Variants in WDR38 observed in about 807,000 individuals in gnomAD.
WDR38 encodes WD repeat domain 38.
WDR38 carries 37 observed loss-of-function variants against 36.6 expected under a neutral mutation model. That is an observed-to-expected ratio of 1.01 (90% CI 0.78 to 1.33). WDR38 has a LOEUF of 1.33. WDR38 is among the 40% of genes most tolerant of loss of function. The probability of loss-of-function intolerance (pLI) is 0.00; values close to 1 mark genes in which losing one functional copy is unlikely to be tolerated. For missense variants in WDR38, 411 were observed against 414.6 expected (o/e 0.99, Z 0.07); for synonymous variants, 164 against 168.1 (o/e 0.98, Z 0.19).
At position 124,856,238 on chromosome 9, in the gene WDR38, A is replaced by C; in HGVS notation, c.406-2A>C. 6.2e-7 allele frequency: 1 copy of C among 1,614,106 alleles called. No individual in the cohort carries two copies. Among genetic ancestry groups the C allele is most frequent in the South Asian group, 1.1e-5 (1 of 91,090 alleles). ...CCTTCTGCAGCTCAGGGCTCTCTCT[A>C]GTCCGGCCAGATGCTGCGCCTCTTA... On this transcript the variant is annotated splice_acceptor_variant, in intron 4 of 8. Coordinates refer to ENST00000373574, the MANE Select transcript of WDR38 (RefSeq NM_001045476.3). LOFTEE classifies it high-confidence loss of function.
intron 1 of WDR38, 127 bp from the exon 2 acceptor site, chr9:124,854,078 C>G: frequency 2.0e-6 from 3 of 1,472,160 alleles, no homozygotes; most frequent in Non-Finnish European, 2.8e-6. Context: ...GTTCTGGGCT[C>G]TGGTGGTGGA....
chr9:124,854,621 G>C (rs1243416203), intron 2 of WDR38, among the ~76,000 whole-genome samples: 2 of 152,104 alleles, frequency 1.3e-5, no homozygotes, highest in Non-Finnish European at 2.9e-5. Context: ...TGTCACCCAG[G>C]CTGGACAACC....
At position 124,856,631 on chromosome 9, in the gene WDR38, T is replaced by C. The variant is rs957749009; in HGVS notation, c.618+31T>C. Reference sequence around the variant, plus strand: ...TGGGGTGTCCTGGGTTCCAGGCTGGTCCCTTGCTGGCAGCCAGGCCCTTAA... The same window carrying C: ...TGGGGTGTCCTGGGTTCCAGGCTGGCCCCTTGCTGGCAGCCAGGCCCTTAA... On this transcript the variant is annotated intron_variant, in intron 6 of 8. Transcript: ENST00000373574. The C allele has an allele frequency of 1.4e-5, 22 of 1,612,738 alleles. No homozygotes were observed. The Admixed American group carries it at 2.8e-4, about 21-fold the overall frequency.
chr9:124,855,634 G>A lies in WDR38; in HGVS notation c.191G>A (p.Gly64Asp), dbSNP rs766215877. ...QLLWRLGGHT[G>D]PVKFCRFSPD... ...CCCCTGACTGTGGCCACCCGCCCAG[G>A]CCCCGTGAAGTTCTGCCGCTTCTCC... The change falls in exon 3 of 9, where the codon GGC becomes GAC. Residue 64 changes from glycine (G) to aspartate (D), a missense_variant and splice_region_variant. By Grantham distance (94) the Gly-to-Asp change is moderately conservative. Coordinates refer to ENST00000373574, the MANE Select transcript of WDR38 (RefSeq NM_001045476.3). The A allele has an allele frequency of 4.4e-6, 7 of 1,608,942 alleles. No individual in the cohort carries two copies. The highest frequency in any genetic ancestry group is 5.9e-6 in the Non-Finnish European group (7 of 1,179,970).
chr9:124,856,869 C>G lies in WDR38; in HGVS notation c.756C>G (p.Gly252=), dbSNP rs770869522. 1 of 1,613,994 alleles carries G rather than the reference C, an allele frequency of 6.2e-7. No individual in the cohort carries two copies. Residue 252 remains glycine, a synonymous_variant, in exon 7 of 9, where the codon GGC becomes GGG. Transcript: ENST00000373574. ...SPDELWLASA[G]YSRMVKVWDC... is the part of the protein sequence containing the mutation. ...ACGAGCTGTGGCTGGCCAGCGCCGGCTATTCCCGCATGGTAACCACCCCGG... is the reference window on the plus strand; with the variant it reads ...ACGAGCTGTGGCTGGCCAGCGCCGGGTATTCCCGCATGGTAACCACCCCGG...
chr9:124,854,454 C>G, intron 2 of WDR38, 129 bp downstream of exon 2: 1 of 1,425,104 alleles, frequency 7.0e-7, no homozygotes, highest in Non-Finnish European at 9.5e-7. Flanking sequence ...GGAGATGGGA[C>G]GAGATATCTG....
rs374884533 is a variant in WDR38, at chr9:124,857,264, G to C, written c.769-100G>C. 4.0e-6 allele frequency: 6 copies of C among 1,494,102 alleles called. No homozygotes were observed. In the African/African-American group the frequency reaches 6.9e-5, roughly 17 times the overall value. The allele number at this position is 1,494,102 out of a possible 1,614,324, so 92.6% of individuals were successfully genotyped here. A position where few individuals can be genotyped will look rare whatever the true frequency, so the allele number is the denominator to read the frequency against. ...ATCACCTGAGGTCAGGAGTTCAGGC[G>C]AAGACTCATCTCATATTTTGTCTGG... is the stretch of plus-strand genomic sequence containing the variant. On this transcript the variant is annotated intron_variant, in intron 7 of 8. Coordinates refer to ENST00000373574, the MANE Select transcript of WDR38 (RefSeq NM_001045476.3).
Position 124,857,397 on chromosome 9 carries a change from C to T in WDR38, c.802C>T (p.Leu268Phe). ...KVWDCNTGKCLETLKGVLDVA... is the reference protein window; with the variant it reads ...KVWDCNTGKCFETLKGVLDVA... The stretch of plus-strand genomic sequence containing the variant: ...CTGGGACTGCAACACAGGAAAGTGC[C>T]TTGAGACCCTGAAGGTAAGGCACGG... Residue 268 changes from leucine (L) to phenylalanine (F), a missense_variant, in exon 8 of 9, where the codon CTT (leucine) becomes TTT (phenylalanine). Coordinates refer to ENST00000373574, the MANE Select transcript of WDR38 (RefSeq NM_001045476.3). 2 of 1,614,138 alleles carry T rather than the reference C, an allele frequency of 1.2e-6. No individual in the cohort carries two copies. The highest frequency in any genetic ancestry group is 1.7e-6 in the Non-Finnish European group (2 of 1,180,016).
chr9:124,856,247 A>T lies in WDR38; in HGVS notation c.413A>T (p.Gln138Leu), dbSNP rs1362318917. 1 of 1,614,028 alleles carries T rather than the reference A, an allele frequency of 6.2e-7. No individual in the cohort carries two copies. The highest frequency in any genetic ancestry group is 8.5e-7 in the Non-Finnish European group (1 of 1,180,038). Reference protein sequence around the residue: ...RVMLWDVQSGQMLRLLVGHRD... With the variant: ...RVMLWDVQSGLMLRLLVGHRD... ...GCTCAGGGCTCTCTCTAGTCCGGCC[A>T]GATGCTGCGCCTCTTAGTTGGGCAC... The change falls in exon 5 of 9, where the codon CAG (glutamine) becomes CTG (leucine). Residue 138 changes from glutamine (Q) to leucine (L), a missense_variant. Coordinates refer to ENST00000373574, the MANE Select transcript of WDR38 (RefSeq NM_001045476.3).
In WDR38 at chr9:124,857,353, T is replaced by G; in HGVS notation, c.769-11T>G. The stretch of plus-strand genomic sequence containing the variant: ...GGTGAGGCTTCCTGACATGCCCCCC[T>G]CCTTTTCCAGGTCAAAGTCTGGGAC... On this transcript the variant is annotated splice_polypyrimidine_tract_variant and intron_variant, in intron 7 of 8. Coordinates refer to ENST00000373574, the MANE Select transcript of WDR38 (RefSeq NM_001045476.3). 1.3e-6 allele frequency: 2 copies of G among 1,567,630 alleles called. No individual in the cohort carries two copies. Among genetic ancestry groups the G allele is most frequent in the African/African-American group, 1.4e-5 (1 of 71,980 alleles).
At chr9:124,853,814 TA>T (rs1443434418) in intron 1 of WDR38, among the ~76,000 whole-genome samples, 1 of 152,048 alleles carries the variant, frequency 6.6e-6, no homozygotes, top group African/African-American at 2.4e-5. Flanking sequence ...GCTCTGCCTG[TA>T]AAAAGAGCCC....
intron 2 of WDR38, among the ~76,000 whole-genome samples, chr9:124,854,796 CCT>C (rs1240815343): frequency 6.6e-6 from 1 of 152,190 alleles, no homozygotes; most frequent in Non-Finnish European, 1.5e-5. Flanking sequence ...GAACTCCTGA[CCT>C]CGTGATCCAC....
intron 7 of WDR38, 69 bp from the exon 8 acceptor site, chr9:124,857,295 T>C: frequency 6.2e-7 from 1 of 1,603,178 alleles, no homozygotes; most frequent in Non-Finnish European, 8.5e-7. Context: ...TCTGGGACTT[T>C]CCTGGAGGTG....
At chr9:124,857,257 T>C in intron 7 of WDR38, 107 bp from the exon 8 acceptor site, 1 of 1,438,782 alleles carries the variant, frequency 7.0e-7, no homozygotes, top group Admixed American at 1.7e-5. Context: ...AGGTCAGGAG[T>C]TCAGGCGAAG....
intron 7 of WDR38, 21 bp downstream of exon 7, chr9:124,856,902 C>G: frequency 6.2e-7 from 1 of 1,612,660 alleles, no homozygotes; most frequent in Non-Finnish European, 8.5e-7. Context: ...CGGGCCCATC[C>G]TGCTCCTACC....
rs1338968667 is a variant in WDR38 at position 124,857,835 on chromosome 9, A to T, written c.*205A>T. 1.9e-6 allele frequency: 3 copies of T among 1,571,388 alleles called. No homozygotes were observed. In the African/African-American group the frequency reaches 4.0e-5, roughly 21 times the overall value. On this transcript the variant is annotated 3_prime_UTR_variant, in exon 9 of 9. Coordinates refer to ENST00000373574, the MANE Select transcript of WDR38 (RefSeq NM_001045476.3). ...TCAGACACCTGGTCCCCAAAACCAG[A>T]CCCACCCACCTCCACCCAATCAGTG...
rs377361087 is a variant in WDR38, at chr9:124,855,639, G to T, written c.196G>T (p.Val66Leu). The change falls in exon 3 of 9, where the codon GTG becomes TTG. Residue 66 changes from valine to leucine, a missense_variant. Transcript: ENST00000373574. ...LWRLGGHTGP[V>L]KFCRFSPDGH... ...GACTGTGGCCACCCGCCCAGGCCCC[G>T]TGAAGTTCTGCCGCTTCTCCCCTGA... The T allele has an allele frequency of 3.1e-6, 5 of 1,609,586 alleles. No homozygotes were observed. In the African/African-American group the frequency reaches 6.7e-5, roughly 21 times the overall value.
At position 124,856,610 on chromosome 9, in the gene WDR38, G is replaced by C. The variant is rs765930235; in HGVS notation, c.618+10G>C. 1 of 1,613,730 alleles carries C rather than the reference G, an allele frequency of 6.2e-7. No individual in the cohort carries two copies. Among genetic ancestry groups the C allele is most frequent in the Middle Eastern group, 1.7e-4 (1 of 6,060 alleles). On this transcript the variant is annotated intron_variant, in intron 6 of 8. Transcript: ENST00000373574. Reference sequence around the variant, plus strand: ...AGCATCCGGCCTCCTGGTAAGTGGGGTGTCCTGGGTTCCAGGCTGGTCCCT... The same window carrying C: ...AGCATCCGGCCTCCTGGTAAGTGGGCTGTCCTGGGTTCCAGGCTGGTCCCT...
intron 1 of WDR38, 43 bp downstream of exon 1, chr9:124,853,643 CAG>C: frequency 1.6e-6 from 2 of 1,246,718 alleles, no homozygotes; most frequent in Non-Finnish European, 2.0e-6. Context: ...GCTTTGGATG[CAG>C]AGTGGTTCCT....
Sources: allele counts gnomAD v4.1 joint callset (sites outside exome capture counted in the v4.1 genomes callset), GRCh38; gene constraint gnomAD v4.1.1; transcripts MANE v1.5; gene names NCBI Gene and HGNC (gene_info 2026-07-23, HGNC 2026-07-21).